Variants in ANKS1B observed in about 807,000 individuals in gnomAD.
ANKS1B encodes the protein ankyrin repeat and sterile alpha motif domain-containing protein 1B.
ANKS1B carries 36 observed loss-of-function variants against 148.3 expected under a neutral mutation model. The observed-to-expected ratio is 0.24, with a 90% CI of 0.19 to 0.32. The LOEUF is 0.32. Ranked by LOEUF, ANKS1B falls within the 10% of genes least tolerant of loss-of-function variation. The pLI is 1.00. For synonymous variants in ANKS1B, 542 were observed against 560.8 expected, an observed-to-expected ratio of 0.97 and a Z score of 0.47; for missense variants, 1,157 against 1,542.6, an observed-to-expected ratio of 0.75 and a Z score of 4.19.
At chr12:98,789,432 T>TTA (rs1555319606) in intron 22 of ANKS1B, among the ~76,000 whole-genome samples, 7 of 151,852 alleles carry the variant, frequency 4.6e-5, no homozygotes, top group Admixed American at 1.3e-4. Flanking sequence ...TTTTTTTTTT[T>TTA]ATTAAAGTTC....
At chr12:99,473,821 A>G (rs2096277026) in intron 10 of ANKS1B, among the ~76,000 whole-genome samples, 1 of 151,994 alleles carries the variant, frequency 6.6e-6, no homozygotes. Context: ...CAGTATGTGC[A>G]TTATAAACAT....
At chr12:99,342,399 C>A (rs1339858194) in intron 12 of ANKS1B, among the ~76,000 whole-genome samples, 1 of 151,754 alleles carries the variant, frequency 6.6e-6, no homozygotes, top group African/African-American at 2.4e-5. Flanking sequence ...GAAAGGAGGT[C>A]AGGGGATTGA....
intron 17 of ANKS1B, among the ~76,000 whole-genome samples, chr12:98,978,877 C>T (rs555522622): frequency 1.7e-4 from 26 of 152,210 alleles, no homozygotes; most frequent in African/African-American, 6.0e-4. Context: ...GGCGCGGTGG[C>T]TCACACCTGT....
intron 8 of ANKS1B, among the ~76,000 whole-genome samples, chr12:99,687,521 A>G (rs1048040308): frequency 1.3e-5 from 2 of 151,824 alleles, no homozygotes; most frequent in African/African-American, 4.8e-5. Context: ...TTTTTTTTCA[A>G]TCCTTCTTCT....
intron 17 of ANKS1B, among the ~76,000 whole-genome samples, chr12:98,994,551 G>T (rs1427429647): frequency 2.6e-5 from 4 of 152,162 alleles, no homozygotes; most frequent in African/African-American, 7.2e-5. Flanking sequence ...CCCAGGAGGC[G>T]GAGGTTGCAG....
intron 10 of ANKS1B, among the ~76,000 whole-genome samples, chr12:99,448,721 T>A (rs1490368449): frequency 2.6e-5 from 4 of 152,056 alleles, no homozygotes; most frequent in East Asian, 3.9e-4. Flanking sequence ...TTAAATTTTT[T>A]AAAATTATTG....
At chr12:99,124,065 C>A (rs2153732967) in intron 15 of ANKS1B, among the ~76,000 whole-genome samples, 1 of 152,246 alleles carries the variant, frequency 6.6e-6, no homozygotes, top group Middle Eastern at 3.4e-3. Flanking sequence ...AGATTTTATT[C>A]TGAGTGAGAC....
At chr12:99,043,392 A>G (rs2099960338) in intron 17 of ANKS1B, among the ~76,000 whole-genome samples, 1 of 152,246 alleles carries the variant, frequency 6.6e-6, no homozygotes, top group Admixed American at 6.5e-5. Context: ...GATTAATTCC[A>G]GAAGCAGGGA....
chr12:98,985,288 T>G (rs965083050), intron 17 of ANKS1B, among the ~76,000 whole-genome samples: 1 of 151,356 alleles, frequency 6.6e-6, no homozygotes, highest in Non-Finnish European at 1.5e-5. Context: ...AATTAAAAAA[T>G]TTTTTTTTGC....
intron 17 of ANKS1B, among the ~76,000 whole-genome samples, chr12:98,916,585 A>G (rs1011991116): frequency 1.1e-4 from 16 of 152,274 alleles, no homozygotes; most frequent in Admixed American, 9.2e-4. Context: ...GACATTGGGC[A>G]TGGGAAACTG....
intron 1 of ANKS1B, among the ~76,000 whole-genome samples, chr12:99,919,080 T>C (rs1254665091): frequency 2.0e-5 from 3 of 152,198 alleles, no homozygotes; most frequent in Non-Finnish European, 4.4e-5. Flanking sequence ...GCATCACCTG[T>C]CCTTCAGCTG....
intron 9 of ANKS1B, among the ~76,000 whole-genome samples, chr12:99,527,989 T>C (rs763758986): frequency 3.0e-4 from 45 of 151,696 alleles, no homozygotes; most frequent in Admixed American, 1.8e-3. Context: ...AAGGCTACAG[T>C]AACCAAAACA....
chr12:99,872,994 C>A (rs1221566614), intron 1 of ANKS1B, among the ~76,000 whole-genome samples: 1 of 152,166 alleles, frequency 6.6e-6, no homozygotes, highest in Non-Finnish European at 1.5e-5. Context: ...ATCTTAATCA[C>A]ATCCAAAATT....
chr12:98,929,688 AT>A (rs1227048054), intron 17 of ANKS1B, among the ~76,000 whole-genome samples: 3 of 152,116 alleles, frequency 2.0e-5, no homozygotes, highest in Non-Finnish European at 2.9e-5. Flanking sequence ...AGGTAATCCA[AT>A]GGAGGGGAAA....
At chr12:99,018,902 C>T (rs2099944116) in intron 17 of ANKS1B, among the ~76,000 whole-genome samples, 1 of 152,132 alleles carries the variant, frequency 6.6e-6, no homozygotes, top group Non-Finnish European at 1.5e-5. Flanking sequence ...GAGATTGCGC[C>T]ACTGCAGTCC....
chr12:99,655,875 G>C (rs560592313), intron 8 of ANKS1B, among the ~76,000 whole-genome samples: 1 of 152,210 alleles, frequency 6.6e-6, no homozygotes, highest in Admixed American at 6.5e-5. Flanking sequence ...GATAACAGAT[G>C]GGTATTACCT....
At chr12:99,966,833 C>T (rs552663546) in intron 1 of ANKS1B, among the ~76,000 whole-genome samples, 7 of 151,406 alleles carry the variant, frequency 4.6e-5, no homozygotes, top group Non-Finnish European at 1.5e-5. Flanking sequence ...ATACAACTTC[C>T]GTGGAACACA....
rs77398256 is a variant in ANKS1B at position 99,338,594 on chromosome 12, T to G, written c.1756+61037A>C. ...TTCCCTCTCCTTTCTTAAGCAGGAG[T>G]CTCTCCTCGTGGCCAGCTCTGCTCA... On this transcript the variant is annotated intron_variant, in intron 12 of 26. Coordinates refer to ENST00000683438, the MANE Select transcript of ANKS1B (RefSeq NM_001352186.2). Among the ~76,000 whole-genome samples the G allele has an allele frequency of 3.5e-3, 536 of 152,080 alleles. 33 individuals carry two copies. In the East Asian group the frequency reaches 0.085, roughly 24 times the overall value.
chr12:99,748,415 AT>A (rs34522138), intron 8 of ANKS1B, among the ~76,000 whole-genome samples: 1,981 of 149,046 alleles, frequency 0.013, 40 homozygotes, highest in African/African-American at 0.045. Context: ...ATCTGAAGAG[AT>A]TTTTTTTTTT....
Sources: gnomAD v4.1 joint callset for allele counts (sites outside exome capture counted in the v4.1 genomes callset) on GRCh38, gnomAD v4.1.1 for gene constraint, MANE v1.5 for transcripts, NCBI Gene and HGNC (gene_info 2026-07-23, HGNC 2026-07-21) for gene names.